KAZN: variants seen among roughly 807,000 people sequenced by gnomAD.
The protein encoded by KAZN is kazrin, periplakin interacting protein.
A neutral mutation model predicts 87.4 loss-of-function variants in KAZN; 40 were observed. The observed-to-expected ratio is 0.46, with a 90% CI of 0.36 to 0.60. KAZN has a LOEUF of 0.60. Among genes scored for constraint, KAZN ranks in the 20% least tolerant of loss-of-function variants. The pLI is 0.00. For missense variants in KAZN, 898 were observed against 1,073.9 expected (o/e 0.84, Z 2.29); for synonymous variants, 466 against 458.3 (o/e 1.02, Z -0.22).
At chr1:13,898,627 G>A (rs1459301216) in intron 1 of KAZN, among the ~76,000 whole-genome samples, 1 of 152,214 alleles carries the variant, frequency 6.6e-6, no homozygotes, top group Non-Finnish European at 1.5e-5. Flanking sequence ...CTGGACTGCT[G>A]CTGCTTGGCA....
intron 2 of KAZN, among the ~76,000 whole-genome samples, chr1:14,195,514 C>CACAG (rs1190272779): frequency 1.0e-5 from 1 of 98,428 alleles, no homozygotes; most frequent in South Asian, 2.7e-4. Context: ...AAACGGCTCA[C>CACAG]ACACACACAC....
intron 2 of KAZN, among the ~76,000 whole-genome samples, chr1:14,435,694 C>T (rs772580142): frequency 2.6e-5 from 4 of 152,212 alleles, no homozygotes; most frequent in Non-Finnish European, 4.4e-5. Flanking sequence ...CTTTGACCTT[C>T]GGCAAGATCT....
chr1:14,223,931 C>T (rs1557573686), intron 2 of KAZN, among the ~76,000 whole-genome samples: 1 of 152,108 alleles, frequency 6.6e-6, no homozygotes, highest in African/African-American at 2.4e-5. Context: ...GAAGACATCC[C>T]CAAAAGTATC....
At chr1:15,022,106 A>C (rs189335870) in intron 2 of KAZN, among the ~76,000 whole-genome samples, 272 of 152,180 alleles carry the variant, frequency 1.8e-3, no homozygotes, top group African/African-American at 6.3e-3. Context: ...ATTCAAGATG[A>C]GATTTGGGTG....
intron 1 of KAZN, among the ~76,000 whole-genome samples, chr1:14,862,735 A>C (rs4661534): frequency 0.14 from 21,745 of 151,972 alleles, 1,559 homozygotes; most frequent in Middle Eastern, 0.22. Flanking sequence ...CTATGTGCTC[A>C]TAATACATTG....
chr1:14,848,805 C>T (rs568274011), intron 1 of KAZN, among the ~76,000 whole-genome samples: 1 of 152,352 alleles, frequency 6.6e-6, no homozygotes, highest in East Asian at 1.9e-4. Flanking sequence ...ACATTTGCAT[C>T]CTCTTCCTCG....
intron 2 of KAZN, among the ~76,000 whole-genome samples, chr1:14,391,788 G>C (rs1662457743): frequency 6.6e-6 from 1 of 152,138 alleles, no homozygotes; most frequent in Non-Finnish European, 1.5e-5. Flanking sequence ...GCTGGGGGCA[G>C]GGTATTCCAT....
At chr1:14,065,619 A>G (rs1022654397) in intron 1 of KAZN, among the ~76,000 whole-genome samples, 18 of 151,870 alleles carry the variant, frequency 1.2e-4, no homozygotes, top group Middle Eastern at 3.4e-3. Context: ...AGCACATAAG[A>G]GTAAATGTCT....
At chr1:14,524,527 T>A (rs748679983) in intron 2 of KAZN, among the ~76,000 whole-genome samples, 3 of 152,218 alleles carry the variant, frequency 2.0e-5, no homozygotes, top group Non-Finnish European at 2.9e-5. Flanking sequence ...TGAGGGTCTT[T>A]GACGCTAATT....
chr1:14,037,417 C>T (rs541823311), intron 1 of KAZN, among the ~76,000 whole-genome samples: 7 of 152,258 alleles, frequency 4.6e-5, no homozygotes, highest in Admixed American at 2.0e-4. Flanking sequence ...TCGTATAAAG[C>T]GGAGAAATCT....
At chr1:14,724,741 G>C (rs77310241) in intron 1 of KAZN, among the ~76,000 whole-genome samples, 1 of 152,204 alleles carries the variant, frequency 6.6e-6, no homozygotes, top group Non-Finnish European at 1.5e-5. Context: ...TCCCTTCTGC[G>C]GGTTGCCCCG....
At chr1:15,105,936 T>C (rs1254219305) in intron 13 of KAZN, among the ~76,000 whole-genome samples, 1 of 152,156 alleles carries the variant, frequency 6.6e-6, no homozygotes, top group East Asian at 1.9e-4. Flanking sequence ...CACAGGACTC[T>C]ACATTTTTAG....
intron 1 of KAZN, among the ~76,000 whole-genome samples, chr1:14,032,949 C>A (rs754230191): frequency 2.6e-5 from 4 of 152,098 alleles, no homozygotes; most frequent in Non-Finnish European, 4.4e-5. Flanking sequence ...TCTTCACCAG[C>A]GACCCTGATT....
At chr1:13,967,312 C>G (rs945103954) in intron 1 of KAZN, among the ~76,000 whole-genome samples, 2 of 152,178 alleles carry the variant, frequency 1.3e-5, no homozygotes, top group Non-Finnish European at 2.9e-5. Flanking sequence ...CTCACCTACC[C>G]TGCAAGGAAT....
At chr1:14,899,324 A>T (rs1225631979) in intron 1 of KAZN, among the ~76,000 whole-genome samples, 1 of 152,140 alleles carries the variant, frequency 6.6e-6, no homozygotes, top group Admixed American at 6.5e-5. Flanking sequence ...CCTTTTGTAG[A>T]CTGTCCTCAC....
chr1:14,115,426 T>G (rs149690997), intron 1 of KAZN, among the ~76,000 whole-genome samples: 69 of 152,328 alleles, frequency 4.5e-4, no homozygotes, highest in African/African-American at 1.6e-3. Flanking sequence ...GTTCTCATGA[T>G]AGTGAATAAG....
chr1:14,617,244 A>G (rs1325711926), intron 1 of KAZN, among the ~76,000 whole-genome samples: 2 of 152,254 alleles, frequency 1.3e-5, no homozygotes, highest in African/African-American at 2.4e-5. Context: ...ACAATAAAGC[A>G]AATATCGAAA....
At chr1:14,516,934 T>C (rs1464184445) in intron 2 of KAZN, among the ~76,000 whole-genome samples, 1 of 152,144 alleles carries the variant, frequency 6.6e-6, no homozygotes, top group Non-Finnish European at 1.5e-5. Context: ...AAGAATCTCA[T>C]TGTAGTGGTG....
At chr1:14,276,163 GTGTGTGTGTGTGTGT>G (rs1652335939) in intron 2 of KAZN, among the ~76,000 whole-genome samples, 4 of 49,602 alleles carry the variant, frequency 8.1e-5, no homozygotes, top group Non-Finnish European at 1.4e-4. Context: ...CTATAAGGGT[GTGTGTGTGTGTGTGT>G]GTGTGTGTGT....
Sources: gnomAD v4.1 joint callset for allele counts (sites outside exome capture counted in the v4.1 genomes callset) on GRCh38, gnomAD v4.1.1 for gene constraint, MANE v1.5 for transcripts, NCBI Gene and HGNC (gene_info 2026-07-23, HGNC 2026-07-21) for gene names.